The following TRPM7 variants were observed in gnomAD, a reference collection of about 807,000 sequenced individuals.
TRPM7 encodes LTRPC ion channel family member 7.
A neutral mutation model predicts 229.7 loss-of-function variants in TRPM7; 134 were observed. The observed-to-expected ratio is 0.58, with a 90% CI of 0.51 to 0.67. The LOEUF (loss-of-function observed/expected upper bound fraction) is 0.67. Ranked by LOEUF, TRPM7 falls within the 30% of genes least tolerant of loss-of-function variation. The pLI is 0.00. For missense variants in TRPM7, 1,901 were observed against 2,210.0 expected (o/e 0.86, Z 2.80); for synonymous variants, 699 against 715.2 (o/e 0.98, Z 0.36).
intron 27 of TRPM7, among the ~76,000 whole-genome samples, chr15:50,587,043 A>G (rs2059362138): frequency 6.6e-6 from 1 of 152,104 alleles, no homozygotes; most frequent in African/African-American, 2.4e-5. Flanking sequence ...AAAGAAAACA[A>G]AAAACCTCAC....
chr15:50,611,411 T>C, intron 16 of TRPM7, 90 bp from the exon 17 acceptor site: 2 of 927,590 alleles, frequency 2.2e-6, no homozygotes, highest in Non-Finnish European at 3.2e-6. Context: ...TTCCTACTTT[T>C]TAATATTCTC....
chr15:50,664,363 T>C (rs2061826397), intron 1 of TRPM7, among the ~76,000 whole-genome samples: 1 of 150,020 alleles, frequency 6.7e-6, no homozygotes, highest in African/African-American at 2.5e-5. Context: ...CCCAGCTACA[T>C]TCCATTTCTA....
intron 38 of TRPM7, among the ~76,000 whole-genome samples, chr15:50,564,730 T>G (rs2053514638): frequency 6.6e-6 from 1 of 152,126 alleles, no homozygotes; most frequent in South Asian, 2.1e-4. Flanking sequence ...AATCATAAAC[T>G]GTTAATTTTA....
intron 12 of TRPM7, among the ~76,000 whole-genome samples, chr15:50,620,315 T>TG (rs1332347119): frequency 6.6e-6 from 1 of 152,032 alleles, no homozygotes; most frequent in African/African-American, 2.4e-5. Context: ...TTTCAATTTT[T>TG]TTTTTTTTAA....
rs1221581812 is a variant in TRPM7 at position 50,685,805 on chromosome 15, G to C, written c.3+726C>G. Among the ~76,000 whole-genome samples the C allele has an allele frequency of 3.3e-5, 5 of 152,082 alleles. No homozygotes were observed. The South Asian group carries it at 8.3e-4, about 25-fold the overall frequency. ...TCCCTCTCTCCATTCCGCACCTTTC[G>C]GTTTAAAACACGATCAACTGTTCTC... On this transcript the variant is annotated intron_variant, in intron 1 of 38. Coordinates refer to ENST00000646667, the MANE Select transcript of TRPM7 (RefSeq NM_017672.6).
At chr15:50,605,237 A>G in intron 20 of TRPM7, 93 bp from the exon 21 acceptor site, 1 of 1,076,888 alleles carries the variant, frequency 9.3e-7, no homozygotes, top group Non-Finnish European at 1.3e-6. Context: ...GTAGAATTTC[A>G]CATAGCTTTT....
In TRPM7 at chr15:50,591,919, G is replaced by A. The variant is rs371232400; in HGVS notation, c.4316C>T (p.Ala1439Val). 1.1e-5 allele frequency: 17 copies of A among 1,549,628 alleles called. No homozygotes were observed. In the East Asian group the frequency reaches 3.9e-4, roughly 35 times the overall value. Reference protein sequence around the residue: ...ATEGDNTEFGAFVGHRDSMDL... With the variant: ...ATEGDNTEFGVFVGHRDSMDL... ...GAATTTGCCAAACTTACCTACAAAT[G>A]CTCCAAATTCTGTATTATCTCCTTC... The change falls in exon 26 of 39, where the codon GCA becomes GTA. Residue 1439 changes from alanine (A) to valine (V), a missense_variant. Ala to Val is a moderately conservative substitution (Grantham distance 64). Around this residue, in one of 8 missense-constraint regions of TRPM7, gnomAD observed 533 missense variants for 497.1 expected, o/e 1.07. Coordinates refer to ENST00000646667, the MANE Select transcript of TRPM7 (RefSeq NM_017672.6).
intron 7 of TRPM7, among the ~76,000 whole-genome samples, chr15:50,636,232 C>A (rs1175959123): frequency 1.3e-5 from 2 of 150,170 alleles, no homozygotes; most frequent in African/African-American, 4.9e-5. Flanking sequence ...GTCAACCAGG[C>A]TGAAATGCAG....
chr15:50,615,163 CAAAAAA>C (rs71124383), intron 13 of TRPM7, among the ~76,000 whole-genome samples: 51,843 of 93,838 alleles, frequency 0.55, 10,677 homozygotes, highest in Middle Eastern at 0.65. Context: ...GACTTTGTCT[CAAAAAA>C]AAAAAAAAAA....
intron 12 of TRPM7, among the ~76,000 whole-genome samples, chr15:50,621,169 A>C (rs1433399358): frequency 2.0e-5 from 3 of 151,424 alleles, no homozygotes; most frequent in South Asian, 2.1e-4. Flanking sequence ...AAAAAAAAAA[A>C]AAAAAAAAAA....
At chr15:50,592,829 G>A (rs2059540328) in intron 25 of TRPM7, among the ~76,000 whole-genome samples, 1 of 152,118 alleles carries the variant, frequency 6.6e-6, no homozygotes, top group Admixed American at 6.5e-5. Flanking sequence ...TAAAATGCAA[G>A]ATTTCAAAAA....
At chr15:50,567,184 T>A (rs974121897) in intron 38 of TRPM7, among the ~76,000 whole-genome samples, 1 of 152,106 alleles carries the variant, frequency 6.6e-6, no homozygotes, top group Non-Finnish European at 1.5e-5. Flanking sequence ...AAAATTATTT[T>A]TTATTATTAT....
At chr15:50,595,981 TC>T (rs1415479887) in intron 23 of TRPM7, among the ~76,000 whole-genome samples, 1 of 152,208 alleles carries the variant, frequency 6.6e-6, no homozygotes, top group East Asian at 1.9e-4. Context: ...TGATGAATTT[TC>T]TATATTGAAT....
chr15:50,566,990 A>C (rs1317384774), intron 38 of TRPM7, among the ~76,000 whole-genome samples: 1 of 152,004 alleles, frequency 6.6e-6, no homozygotes, highest in Non-Finnish European at 1.5e-5. Context: ...GGATATTAAA[A>C]AGATAGTAAG....
Position 50,655,517 on chromosome 15 carries a change from A to C in TRPM7, c.122+2264T>G, listed in dbSNP as rs570044224. On this transcript the variant is annotated intron_variant, in intron 3 of 38. Transcript: ENST00000646667. ...TGCAAATATTTACGCAAGCAGAATA[A>C]GTACAAAGAGAATCACTCTCAGGCA... Among the ~76,000 whole-genome samples, 3 of 152,176 alleles carry C rather than the reference A, an allele frequency of 2.0e-5. No individual in the cohort carries two copies. The South Asian group carries it at 6.2e-4, about 32-fold the overall frequency.
rs199864645 is a variant in TRPM7 at position 50,569,921 on chromosome 15, G to A, written c.5433C>T (p.His1811=). 1.4e-4 allele frequency: 228 copies of A among 1,611,884 alleles called. No individual in the cohort carries two copies. The highest frequency in any genetic ancestry group is 1.8e-4 in the Non-Finnish European group (211 of 1,179,088). Residue 1811 remains histidine (H), a synonymous_variant, in exon 38 of 39, where the codon CAC becomes CAT. Transcript: ENST00000646667. ...DAIKNFRAKH[H]CNSCCRKLKL... Reference sequence around the variant, plus strand: ...TAAGCTTTCTACAGCAAGAATTACAGTGATGTTTTGCTCTGAAGTTTTTAA... The same window carrying A: ...TAAGCTTTCTACAGCAAGAATTACAATGATGTTTTGCTCTGAAGTTTTTAA...
At chr15:50,643,145 C>T (rs1294751839) in intron 5 of TRPM7, among the ~76,000 whole-genome samples, 195 bp downstream of exon 5, 3 of 151,946 alleles carry the variant, frequency 2.0e-5, no homozygotes, top group African/African-American at 7.3e-5. Flanking sequence ...AAAAATTAAC[C>T]GGGCATGGTG....
chr15:50,623,769 A>G (rs2060484154), intron 12 of TRPM7, among the ~76,000 whole-genome samples: 1 of 151,564 alleles, frequency 6.6e-6, no homozygotes, highest in Non-Finnish European at 1.5e-5. Flanking sequence ...GGGGTATACC[A>G]TGAGGTCAAA....
intron 10 of TRPM7, among the ~76,000 whole-genome samples, chr15:50,630,132 G>C (rs1162419707): frequency 6.6e-6 from 1 of 152,052 alleles, no homozygotes; most frequent in Non-Finnish European, 1.5e-5. Flanking sequence ...AAATTGCTGG[G>C]ATTACAGGTG....
Sources: allele counts gnomAD v4.1 joint callset (sites outside exome capture counted in the v4.1 genomes callset), GRCh38; gene constraint gnomAD v4.1.1; regional missense constraint gnomAD v4.1.1; transcripts MANE v1.5; gene names NCBI Gene and HGNC (gene_info 2026-07-23, HGNC 2026-07-21).